Variants in TMTC1 observed in about 807,000 individuals in gnomAD.
TMTC1 encodes transmembrane O-mannosyltransferase targeting cadherins 1, also known as protein O-mannosyl-transferase TMTC1.
TMTC1 carries 73 observed loss-of-function variants against 104.8 expected under a neutral mutation model. That is an observed-to-expected ratio of 0.70 (90% CI 0.58 to 0.85). The LOEUF (loss-of-function observed/expected upper bound fraction) is 0.85, where lower values mean the gene tolerates loss of function less well. Ranked by LOEUF, TMTC1 falls within the 40% of genes least tolerant of loss-of-function variation. The pLI is 0.00. For synonymous variants in TMTC1, 434 were observed against 428.7 expected, an observed-to-expected ratio of 1.01 and a Z score of -0.15; for missense variants, 1,035 against 1,096.1, an observed-to-expected ratio of 0.94 and a Z score of 0.79.
intron 9 of TMTC1, among the ~76,000 whole-genome samples, 178 bp from the exon 10 acceptor site, chr12:29,557,178 A>G (rs1945268224): frequency 6.6e-6 from 1 of 152,224 alleles, no homozygotes; most frequent in Non-Finnish European, 1.5e-5. Flanking sequence ...AAAGTATATA[A>G]TTAGGGCAGG....
At chr12:29,542,145 C>T (rs1207831651) in intron 10 of TMTC1, among the ~76,000 whole-genome samples, 2 of 152,066 alleles carry the variant, frequency 1.3e-5, no homozygotes, top group Non-Finnish European at 2.9e-5. Flanking sequence ...GTTAACTAGC[C>T]CATAATTGGT....
At chr12:29,768,566 C>T (rs1296383942) in intron 1 of TMTC1, among the ~76,000 whole-genome samples, 1 of 152,130 alleles carries the variant, frequency 6.6e-6, no homozygotes, top group African/African-American at 2.4e-5. Context: ...ACCCATGGTG[C>T]CACCAGGAAC....
chr12:29,747,582 T>C (rs1942986428), intron 5 of TMTC1, among the ~76,000 whole-genome samples: 1 of 152,224 alleles, frequency 6.6e-6, no homozygotes, highest in South Asian at 2.1e-4. Flanking sequence ...TATGTCCTAA[T>C]AGTTTTGAAG....
At chr12:29,641,796 A>T (rs1020411965) in intron 5 of TMTC1, among the ~76,000 whole-genome samples, 4 of 152,202 alleles carry the variant, frequency 2.6e-5, no homozygotes, top group African/African-American at 9.7e-5. Flanking sequence ...TAAACTAATC[A>T]GGGAGGGACC....
chr12:29,720,464 C>G (rs1942206294), intron 5 of TMTC1, among the ~76,000 whole-genome samples: 1 of 151,848 alleles, frequency 6.6e-6, no homozygotes, highest in Admixed American at 6.6e-5. Context: ...TAAAAAAGAC[C>G]AATAAGATTT....
intron 9 of TMTC1, among the ~76,000 whole-genome samples, chr12:29,567,009 G>T (rs1945534176): frequency 6.6e-6 from 1 of 152,148 alleles, no homozygotes; most frequent in Non-Finnish European, 1.5e-5. Flanking sequence ...CCTCCCCAAG[G>T]CTAGACTCCC....
At chr12:29,604,383 G>A in intron 6 of TMTC1, 84 bp from the exon 7 acceptor site, 2 of 1,564,604 alleles carry the variant, frequency 1.3e-6, no homozygotes, top group East Asian at 4.5e-5. Flanking sequence ...TCACTTTCAG[G>A]TTCTCAATGA....
intron 2 of TMTC1, among the ~76,000 whole-genome samples, chr12:29,765,154 T>C (rs1271169545): frequency 2.0e-5 from 3 of 152,352 alleles, no homozygotes; most frequent in Admixed American, 6.5e-5. Flanking sequence ...TTTTTCTTCA[T>C]ATTTTATCCA....
chr12:29,747,015 G>T (rs1033695634), intron 5 of TMTC1, among the ~76,000 whole-genome samples: 1 of 152,158 alleles, frequency 6.6e-6, no homozygotes, highest in African/African-American at 2.4e-5. Context: ...ACCCTGAAGG[G>T]TAGCAGAGGA....
intron 5 of TMTC1, among the ~76,000 whole-genome samples, chr12:29,636,615 C>T (rs1158242917): frequency 1.3e-5 from 2 of 151,798 alleles, no homozygotes; most frequent in East Asian, 1.9e-4. Context: ...GTCAAGAGAT[C>T]GAGACCATCC....
chr12:29,604,234 G>T lies in TMTC1; in HGVS notation c.1194C>A (p.Ser398Arg), dbSNP rs1299445980. The T allele has an allele frequency of 4.5e-5, 72 of 1,613,856 alleles. No individual in the cohort carries two copies. Among genetic ancestry groups the T allele is most frequent in the Non-Finnish European group, 6.0e-5 (71 of 1,179,916 alleles). ...CAAAACCCACCCTGAAGAAGAGGTT[G>T]CTGGCTGGAATGAACGGGAACACCA... ...LFLVFPFIPA[S>R]NLFFRVGFVV... Residue 398 changes from serine (S) to arginine (R), a missense_variant, in exon 7 of 18, where the codon AGC (serine) becomes AGA (arginine). Ser to Arg is a moderately radical substitution (Grantham distance 110). Coordinates refer to ENST00000539277, the MANE Select transcript of TMTC1 (RefSeq NM_001193451.2).
chr12:29,552,537 C>A (rs1015228451), intron 10 of TMTC1, among the ~76,000 whole-genome samples: 1 of 152,136 alleles, frequency 6.6e-6, no homozygotes, highest in Non-Finnish European at 1.5e-5. Flanking sequence ...CACAAGGAGG[C>A]AGTAGAGTGC....
intron 6 of TMTC1, 117 bp from the exon 7 acceptor site, chr12:29,604,416 T>C (rs1301371933): frequency 1.4e-6 from 2 of 1,393,272 alleles, no homozygotes; most frequent in East Asian, 4.7e-5. Context: ...ATTAGACCAA[T>C]ATAAACCTTT....
intron 11 of TMTC1, among the ~76,000 whole-genome samples, chr12:29,528,403 A>G (rs1186278398): frequency 6.6e-6 from 1 of 152,216 alleles, no homozygotes; most frequent in Non-Finnish European, 1.5e-5. Flanking sequence ...CGAGGGCAGC[A>G]GTTAAAAATG....
intron 5 of TMTC1, among the ~76,000 whole-genome samples, chr12:29,686,310 A>G (rs967289493): frequency 5.9e-5 from 9 of 152,154 alleles, no homozygotes; most frequent in African/African-American, 1.7e-4. Flanking sequence ...TTTTATTATC[A>G]TATTAAACAT....
At chr12:29,629,314 C>T (rs12300501) in intron 6 of TMTC1, among the ~76,000 whole-genome samples, 21,171 of 150,718 alleles carry the variant, frequency 0.14, 1,624 homozygotes, top group Middle Eastern at 0.18. Context: ...AGAGAGACTC[C>T]GTCTCAAAAA....
intron 5 of TMTC1, among the ~76,000 whole-genome samples, chr12:29,747,842 G>A (rs1464415902): frequency 2.0e-5 from 3 of 152,242 alleles, no homozygotes; most frequent in East Asian, 1.9e-4. Flanking sequence ...CCCTTTGAGA[G>A]ATGAGAAAAC....
chr12:29,781,914 T>G (rs780534959), intron 1 of TMTC1, among the ~76,000 whole-genome samples: 13 of 152,184 alleles, frequency 8.5e-5, no homozygotes, highest in Non-Finnish European at 1.8e-4. Context: ...TTCCCTACTC[T>G]CCAGCAAGTA....
intron 7 of TMTC1, among the ~76,000 whole-genome samples, chr12:29,587,167 G>C (rs543123544): frequency 2.0e-5 from 3 of 151,970 alleles, no homozygotes; most frequent in Non-Finnish European, 4.4e-5. Flanking sequence ...GTCTTGGGAG[G>C]GTGTAAGTGT....
Sources: allele counts gnomAD v4.1 joint callset (sites outside exome capture counted in the v4.1 genomes callset), GRCh38; gene constraint gnomAD v4.1.1; transcripts MANE v1.5; gene names NCBI Gene and HGNC (gene_info 2026-07-23, HGNC 2026-07-21).